The following HIBADH variants were observed in gnomAD, a reference collection of about 807,000 sequenced individuals.
HIBADH encodes 3-hydroxyisobutyrate dehydrogenase, mitochondrial.
In HIBADH, 25 loss-of-function variants were observed where a neutral mutation model predicts 36.1. The observed-to-expected ratio is 0.69, with a 90% CI of 0.50 to 0.97. The LOEUF (loss-of-function observed/expected upper bound fraction) is 0.97, where lower values mean the gene tolerates loss of function less well. Among genes scored for constraint, HIBADH ranks in the 50% least tolerant of loss-of-function variants. The pLI, the probability that HIBADH is intolerant of heterozygous loss-of-function variation, is 0.00. For missense variants in HIBADH, 421 were observed against 418.0 expected (o/e 1.01, Z -0.06); for synonymous variants, 160 against 149.5 (o/e 1.07, Z -0.51).
At chr7:27,545,995 G>A (rs1784231075) in intron 4 of HIBADH, among the ~76,000 whole-genome samples, 1 of 152,212 alleles carries the variant, frequency 6.6e-6, no homozygotes, top group Admixed American at 6.5e-5. Flanking sequence ...GGCAAATTGT[G>A]TGACAAATTA....
At chr7:27,534,184 AC>A (rs1478414511) in intron 6 of HIBADH, among the ~76,000 whole-genome samples, 1 of 152,210 alleles carries the variant, frequency 6.6e-6, no homozygotes, top group East Asian at 1.9e-4. Context: ...AAAAAATTAA[AC>A]ATTTGCCTTC....
At chr7:27,657,824 TACTTA>T (rs1364656173) in intron 1 of HIBADH, among the ~76,000 whole-genome samples, 1 of 152,192 alleles carries the variant, frequency 6.6e-6, no homozygotes, top group Admixed American at 6.5e-5. Flanking sequence ...AGTTACAAGT[TACTTA>T]ACTTCTCTAG....
Position 27,599,947 on chromosome 7 carries a change from G to GA in HIBADH, c.484+29423dup, listed in dbSNP as rs369651069. ...TATATCACATTTTTGTTGCCAATGG[G>GA]AAAAAAAAATCAAAGTTTAAGTTAC... On this transcript the variant is annotated intron_variant, in intron 4 of 7. Transcript: ENST00000265395. 2.9e-3 allele frequency among the ~76,000 whole-genome samples: 433 copies of GA among 149,266 alleles called. 1 individual carries two copies. The highest frequency in any genetic ancestry group is 9.1e-3 in the African/African-American group (371 of 40,724).
intron 1 of HIBADH, among the ~76,000 whole-genome samples, chr7:27,659,046 A>C (rs1182099427): frequency 6.6e-6 from 1 of 152,236 alleles, no homozygotes; most frequent in African/African-American, 2.4e-5. Context: ...CTGCCATTAT[A>C]TATTTGATTT....
At position 27,662,777 on chromosome 7, in the gene HIBADH, G is replaced by A. The variant is rs528891264; in HGVS notation, c.12C>T (p.Ser4=). 100 of 1,465,896 alleles carry A rather than the reference G, an allele frequency of 6.8e-5. No individual in the cohort carries two copies. The highest frequency in any genetic ancestry group is 8.8e-5 in the Non-Finnish European group (98 of 1,107,914). The allele number at this position is 1,465,896 out of a possible 1,614,324, so 90.8% of individuals were successfully genotyped here. ...CGGAGGCAGCTCCGAGGAGCCGTAA[G>A]GAGGCTGCCATGCTGCGCCCGCCCC... MAA[S]LRLLGAASGL... is the part of the protein sequence containing the mutation. Residue 4 remains serine, a synonymous_variant, in exon 1 of 8, where the codon TCC becomes TCT. Coordinates refer to ENST00000265395, the MANE Select transcript of HIBADH (RefSeq NM_152740.4).
At chr7:27,613,015 AAT>A (rs933682816) in intron 4 of HIBADH, among the ~76,000 whole-genome samples, 5 of 135,684 alleles carry the variant, frequency 3.7e-5, no homozygotes, top group African/African-American at 1.1e-4. Context: ...TATATCCAAA[AAT>A]ATATATATTA....
At chr7:27,607,706 C>T (rs1332407264) in intron 4 of HIBADH, among the ~76,000 whole-genome samples, 1 of 151,518 alleles carries the variant, frequency 6.6e-6, no homozygotes, top group Non-Finnish European at 1.5e-5. Flanking sequence ...ACTAACTAGC[C>T]TCCTTCCTCC....
chr7:27,528,469 GA>G (rs1395373159), intron 7 of HIBADH, among the ~76,000 whole-genome samples: 1 of 152,224 alleles, frequency 6.6e-6, no homozygotes, highest in Non-Finnish European at 1.5e-5. Flanking sequence ...ACACATGAAT[GA>G]TAAGTGAAAC....
chr7:27,644,557 G>A (rs965729011), intron 2 of HIBADH, among the ~76,000 whole-genome samples: 13 of 142,998 alleles, frequency 9.1e-5, no homozygotes, highest in South Asian at 2.2e-4. Context: ...CCAAGATTGC[G>A]CCACTGCACT....
intron 2 of HIBADH, among the ~76,000 whole-genome samples, chr7:27,636,712 G>T (rs1406221578): frequency 6.6e-6 from 1 of 152,220 alleles, no homozygotes; most frequent in African/African-American, 2.4e-5. Context: ...TTTTGGCATA[G>T]ATCAGCAGCA....
At chr7:27,562,846 C>G (rs987621334) in intron 4 of HIBADH, among the ~76,000 whole-genome samples, 1 of 152,158 alleles carries the variant, frequency 6.6e-6, no homozygotes, top group Non-Finnish European at 1.5e-5. Flanking sequence ...ATGTACATCT[C>G]TTGGTGTTAA....
At chr7:27,540,071 G>A (rs556061325) in intron 5 of HIBADH, among the ~76,000 whole-genome samples, 9 of 152,000 alleles carry the variant, frequency 5.9e-5, no homozygotes, top group East Asian at 5.8e-4. Context: ...GGCACACTCC[G>A]GATAACTTTA....
intron 4 of HIBADH, among the ~76,000 whole-genome samples, chr7:27,622,226 C>T (rs1343874883): frequency 1.3e-5 from 2 of 151,926 alleles, no homozygotes; most frequent in Admixed American, 6.6e-5. Context: ...GCCTGGATGA[C>T]AAGGCAAGAG....
intron 3 of HIBADH, among the ~76,000 whole-genome samples, chr7:27,630,716 C>T (rs1052011383): frequency 1.3e-5 from 2 of 151,930 alleles, no homozygotes; most frequent in Non-Finnish European, 2.9e-5. Flanking sequence ...GACTAGGCAA[C>T]ATAGCAAGAC....
chr7:27,651,807 C>A (rs903066312), intron 1 of HIBADH, among the ~76,000 whole-genome samples: 5 of 152,092 alleles, frequency 3.3e-5, no homozygotes, highest in Non-Finnish European at 7.4e-5. Context: ...AAGAAATAAA[C>A]CATGTACATA....
chr7:27,625,260 C>T (rs1785620491), intron 4 of HIBADH, among the ~76,000 whole-genome samples: 1 of 152,144 alleles, frequency 6.6e-6, no homozygotes, highest in African/African-American at 2.4e-5. Context: ...TTCTGCTCAC[C>T]TGAAGGGCTA....
intron 5 of HIBADH, among the ~76,000 whole-genome samples, chr7:27,540,851 C>T (rs1011923542): frequency 6.6e-6 from 1 of 152,194 alleles, no homozygotes; most frequent in Non-Finnish European, 1.5e-5. Flanking sequence ...CAGTCCCTTA[C>T]TGGCAAGATA....
chr7:27,546,844 A>G (rs940188651), intron 4 of HIBADH, among the ~76,000 whole-genome samples: 1 of 152,196 alleles, frequency 6.6e-6, no homozygotes, highest in Non-Finnish European at 1.5e-5. Flanking sequence ...CACTTCTCTC[A>G]CTGTCCATCC....
chr7:27,581,101 G>C (rs1784780516), intron 4 of HIBADH, among the ~76,000 whole-genome samples: 1 of 152,156 alleles, frequency 6.6e-6, no homozygotes, highest in Non-Finnish European at 1.5e-5. Context: ...TTAGGTGATG[G>C]AAAAGAATGA....
Sources: allele counts gnomAD v4.1 joint callset (sites outside exome capture counted in the v4.1 genomes callset), GRCh38; gene constraint gnomAD v4.1.1; transcripts MANE v1.5; gene names NCBI Gene and HGNC (gene_info 2026-07-23, HGNC 2026-07-21).